The following TNIP1 variants were observed in gnomAD, a reference collection of about 807,000 sequenced individuals.
TNIP1 encodes the protein TNFAIP3 interacting protein 1.
Under a neutral mutation model 86.6 loss-of-function variants are expected in TNIP1, and 22 were observed. The observed-to-expected ratio is 0.25, with a 90% CI of 0.18 to 0.36. The LOEUF (loss-of-function observed/expected upper bound fraction) is 0.36. TNIP1 is among the 10% of genes least tolerant of loss of function. TNIP1 has a pLI of 1.00. For synonymous variants in TNIP1, 294 were observed against 313.0 expected, an observed-to-expected ratio of 0.94 and a Z score of 0.64; for missense variants, 709 against 820.6, an observed-to-expected ratio of 0.86 and a Z score of 1.66.
chr5:151,058,696 G>T (rs188215099), intron 5 of TNIP1, among the ~76,000 whole-genome samples: 3 of 152,138 alleles, frequency 2.0e-5, no homozygotes, highest in African/African-American at 7.2e-5. Flanking sequence ...GCAGCCTCCC[G>T]GAAACAGTTA....
upstream of TNIP1, among the ~76,000 whole-genome samples, chr5:151,082,183 C>T (rs1019383682): frequency 1.3e-5 from 2 of 152,128 alleles, no homozygotes; most frequent in Non-Finnish European, 2.9e-5. Context: ...AGATACTTGC[C>T]CAAATTATAT....
At position 151,036,932 on chromosome 5, in the gene TNIP1, G is replaced by C; in HGVS notation, c.1264-11C>G. The C allele has an allele frequency of 6.3e-7, 1 of 1,588,128 alleles. No homozygotes were observed. Among genetic ancestry groups the C allele is most frequent in the Non-Finnish European group, 8.6e-7 (1 of 1,166,404 alleles). On this transcript the variant is annotated splice_polypyrimidine_tract_variant and intron_variant, in intron 12 of 17. Coordinates refer to ENST00000521591, the MANE Select transcript of TNIP1 (RefSeq NM_006058.5). ...TGCTTCCTCCAGGGCCTGGAATCAG[G>C]AAAAGATGGGACCATCAGCAGGAAC... is the stretch of plus-strand genomic sequence containing the variant.
rs575592407 is a variant in TNIP1, at chr5:151,032,314, G to C, written c.1849C>G (p.Pro617Ala). The change falls in exon 17 of 18, where the codon CCT becomes GCT. Residue 617 changes from proline (P) to alanine (A), a missense_variant. Transcript: ENST00000521591. Reference protein sequence around the residue: ...NPNQSSQVMDPPTARPTEPES... With the variant: ...NPNQSSQVMDAPTARPTEPES... ...GGTTCTGTAGGCCTGGCTGTGGGAG[G>C]GTCCATCACTTGGGAGCTCTGATTT... 3.7e-6 allele frequency: 6 copies of C among 1,614,006 alleles called. No individual in the cohort carries two copies. In the South Asian group the frequency reaches 5.5e-5, roughly 15 times the overall value.
intron 1 of TNIP1, among the ~76,000 whole-genome samples, chr5:151,073,547 A>G (rs57673821): frequency 0.027 from 4,023 of 150,888 alleles, 168 homozygotes; most frequent in African/African-American, 0.092. Flanking sequence ...GCAGATTTAT[A>G]TGTGTAACAG....
chr5:151,053,510 T>A (rs949078579), intron 6 of TNIP1, among the ~76,000 whole-genome samples: 1 of 152,182 alleles, frequency 6.6e-6, no homozygotes, highest in African/African-American at 2.4e-5. Context: ...GTCACTTGCT[T>A]ATGTGCGGGG....
intron 1 of TNIP1, among the ~76,000 whole-genome samples, chr5:151,070,177 G>A (rs1329887426): frequency 6.6e-6 from 1 of 152,190 alleles, no homozygotes; most frequent in African/African-American, 2.4e-5. Flanking sequence ...GAAATTAAAT[G>A]AAACAATATG....
At chr5:151,065,636 G>A (rs1762137190) in intron 1 of TNIP1, among the ~76,000 whole-genome samples, 1 of 152,186 alleles carries the variant, frequency 6.6e-6, no homozygotes, top group Admixed American at 6.5e-5. Context: ...GGAGGGAAAT[G>A]AAAGTCTTAA....
At chr5:151,067,090 G>C (rs540177397) in intron 1 of TNIP1, among the ~76,000 whole-genome samples, 1 of 152,306 alleles carries the variant, frequency 6.6e-6, no homozygotes, top group African/African-American at 2.4e-5. Context: ...GAGCCTGCGA[G>C]GCAAAGGACA....
intron 7 of TNIP1, among the ~76,000 whole-genome samples, chr5:151,050,867 G>A (rs1015091766): frequency 6.6e-6 from 1 of 152,096 alleles, no homozygotes; most frequent in Non-Finnish European, 1.5e-5. Context: ...TGGGGGAGGG[G>A]TGGTGATGTA....
In TNIP1 at chr5:151,059,779, CAGAGAGAGAGAGAGAGAGAGAGAGAGAG is replaced by C. The variant is rs55637016; in HGVS notation, c.435+511_435+538del. 1.3e-4 allele frequency among the ~76,000 whole-genome samples: 9 copies of C among 67,386 alleles called. No homozygotes were observed. The South Asian group carries it at 2.8e-3, about 21-fold the overall frequency. The allele number at this position is 67,386 out of a possible 152,430, so 44.2% of individuals were successfully genotyped here. ...AGACGCTCCAGAGCTGTACGAGAGA[CAGAGAGAGAGAGAGAGAGAGAGAGAGAG>C]AGAGAGAGAGAGAGAGAGAGAGTGT... On this transcript the variant is annotated intron_variant, in intron 5 of 17. Coordinates refer to ENST00000521591, the MANE Select transcript of TNIP1 (RefSeq NM_006058.5).
At chr5:151,058,772 G>T (rs963333262) in intron 5 of TNIP1, among the ~76,000 whole-genome samples, 4 of 152,206 alleles carry the variant, frequency 2.6e-5, no homozygotes, top group Admixed American at 6.5e-5. Context: ...CAAGCTATGG[G>T]GAGGAGGAAC....
At chr5:151,060,939 A>G (rs967887304) in intron 4 of TNIP1, among the ~76,000 whole-genome samples, 1 of 152,218 alleles carries the variant, frequency 6.6e-6, no homozygotes, top group African/African-American at 2.4e-5. Flanking sequence ...GCCACCACCA[A>G]GCATGTCCTG....
intron 1 of TNIP1, among the ~76,000 whole-genome samples, chr5:151,070,269 T>C (rs1230565184): frequency 1.3e-5 from 2 of 152,244 alleles, no homozygotes; most frequent in Non-Finnish European, 2.9e-5. Flanking sequence ...CACATCTTTG[T>C]TTTATAATAA....
chr5:151,033,333 A>T, intron 16 of TNIP1: 1 of 345,712 alleles, frequency 2.9e-6, no homozygotes, highest in Non-Finnish European at 5.2e-6. Context: ...TGGGGCCTGG[A>T]GGGAGTCCTC....
chr5:151,068,399 G>T (rs1762478994), intron 1 of TNIP1, among the ~76,000 whole-genome samples: 1 of 152,166 alleles, frequency 6.6e-6, no homozygotes, highest in Non-Finnish European at 1.5e-5. Flanking sequence ...CTCTCCAAGG[G>T]CAATGAGGCG....
intron 13 of TNIP1, 70 bp downstream of exon 13, chr5:151,036,720 G>A (rs542904736): frequency 2.5e-5 from 40 of 1,609,170 alleles, no homozygotes; most frequent in East Asian, 1.3e-4. Context: ...ATTCCAAGCC[G>A]TCTGGGCCCT....
intron 12 of TNIP1, 83 bp downstream of exon 12, chr5:151,039,014 T>C: frequency 6.5e-7 from 1 of 1,528,076 alleles, no homozygotes; most frequent in Non-Finnish European, 8.8e-7. Flanking sequence ...CTAAGCTGAA[T>C]GGTTGGGGGT....
intron 9 of TNIP1, among the ~76,000 whole-genome samples, chr5:151,044,902 C>T (rs1758939905): frequency 6.6e-6 from 1 of 152,174 alleles, no homozygotes; most frequent in African/African-American, 2.4e-5. Flanking sequence ...CTGGCTCCTG[C>T]ACCTTAGTGG....
chr5:151,050,693 G>A (rs1350816399), intron 7 of TNIP1, among the ~76,000 whole-genome samples: 1 of 151,904 alleles, frequency 6.6e-6, no homozygotes, highest in East Asian at 1.9e-4. Context: ...GAGTACAGTG[G>A]CCCAATCTCG....
Sources: gnomAD v4.1 joint callset for allele counts (sites outside exome capture counted in the v4.1 genomes callset) on GRCh38, gnomAD v4.1.1 for gene constraint, MANE v1.5 for transcripts, NCBI Gene and HGNC (gene_info 2026-07-23, HGNC 2026-07-21) for gene names.